BRI3BP: variants seen among roughly 807,000 people sequenced by gnomAD.
The protein encoded by BRI3BP is BRI3-binding protein.
A neutral mutation model predicts 15.8 loss-of-function variants in BRI3BP; 7 were observed. The ratio of observed to expected loss-of-function variants is 0.44; its 90% CI spans 0.25 to 0.83. BRI3BP has a LOEUF of 0.83. BRI3BP is among the 40% of genes least tolerant of loss of function. BRI3BP has a pLI of 0.20. For synonymous variants in BRI3BP, 192 were observed against 163.5 expected, an observed-to-expected ratio of 1.17 and a Z score of -1.33; for missense variants, 320 against 339.3, an observed-to-expected ratio of 0.94 and a Z score of 0.45.
At chr12:124,994,228 G>A (rs1448981435) in intron 1 of BRI3BP, among the ~76,000 whole-genome samples, 1 of 151,952 alleles carries the variant, frequency 6.6e-6, no homozygotes, top group Non-Finnish European at 1.5e-5. Flanking sequence ...CCTCTGCGCC[G>A]CGCTTCTCCT....
intron 1 of BRI3BP, among the ~76,000 whole-genome samples, chr12:125,000,264 C>T (rs1955077532): frequency 1.3e-5 from 2 of 149,668 alleles, no homozygotes; most frequent in African/African-American, 2.5e-5. Flanking sequence ...TTTTGACATA[C>T]ACACTTGTGA....
intron 1 of BRI3BP, among the ~76,000 whole-genome samples, chr12:124,999,023 A>G (rs181137938): frequency 2.0e-5 from 3 of 152,266 alleles, no homozygotes; most frequent in African/African-American, 7.2e-5. Flanking sequence ...GACTACAGTG[A>G]GCTGTGATCA....
chr12:125,022,453 G>C (rs1955306652), intron 2 of BRI3BP, among the ~76,000 whole-genome samples: 2 of 152,064 alleles, frequency 1.3e-5, no homozygotes, highest in Non-Finnish European at 2.9e-5. Flanking sequence ...GGTGAGGGTT[G>C]GGAGGAAACA....
downstream of BRI3BP, among the ~76,000 whole-genome samples, chr12:125,036,087 A>G (rs1050615617): frequency 5.7e-4 from 65 of 113,648 alleles, no homozygotes; most frequent in African/African-American, 1.5e-3. Flanking sequence ...TTTTTTTGAG[A>G]TGGAGTTTTG....
chr12:125,032,001 T>C (rs1955409438), downstream of BRI3BP, among the ~76,000 whole-genome samples: 2 of 152,094 alleles, frequency 1.3e-5, no homozygotes, highest in South Asian at 4.2e-4. Context: ...TGAAGTTATC[T>C]GGGGGCAGCC....
chr12:125,005,865 C>T (rs186820566), intron 1 of BRI3BP, among the ~76,000 whole-genome samples: 2 of 152,110 alleles, frequency 1.3e-5, no homozygotes, highest in South Asian at 2.1e-4. Flanking sequence ...CTTTGGGCTT[C>T]GCTGTAAGCT....
chr12:125,018,208 G>A (rs67885717), intron 2 of BRI3BP, among the ~76,000 whole-genome samples: 34,647 of 152,024 alleles, frequency 0.23, 4,172 homozygotes, highest in South Asian at 0.4. Flanking sequence ...GTGTAAACCC[G>A]ACCCACGCTG....
intron 2 of BRI3BP, among the ~76,000 whole-genome samples, chr12:125,023,462 C>T (rs141418930): frequency 3.3e-4 from 51 of 152,290 alleles, no homozygotes; most frequent in African/African-American, 1.2e-3. Flanking sequence ...TAGTTGTGTG[C>T]CCAGCCTGAA....
At chr12:125,018,869 G>GT (rs1235256636) in intron 2 of BRI3BP, among the ~76,000 whole-genome samples, 5 of 151,358 alleles carry the variant, frequency 3.3e-5, no homozygotes, top group Admixed American at 1.3e-4. Flanking sequence ...TTTTGTTTTT[G>GT]TTTTTTTGAG....
chr12:125,041,365 A>G, the BRI3BP span, among the ~76,000 whole-genome samples: 1 of 152,140 alleles, frequency 6.6e-6, no homozygotes, highest in African/African-American at 2.4e-5. Context: ...ATTATTTTAA[A>G]ATGAATTAAC....
chr12:125,005,118 G>A (rs1180714230), intron 1 of BRI3BP, among the ~76,000 whole-genome samples: 9 of 152,144 alleles, frequency 5.9e-5, no homozygotes, highest in African/African-American at 2.2e-4. Flanking sequence ...AAAATGCTGG[G>A]ATTACAGGTG....
chr12:125,026,965 A>G lies in BRI3BP; in HGVS notation c.*1535A>G, dbSNP rs1428687795. The G allele has an allele frequency of 6.6e-6, 1 of 151,828 alleles. No homozygotes were observed. The highest frequency in any genetic ancestry group is 1.5e-5 in the Non-Finnish European group (1 of 68,000). The allele number at this position is 151,828 out of a possible 1,614,324, so 9.4% of individuals were successfully genotyped here. A position where few individuals can be genotyped will look rare whatever the true frequency, so the allele number is the denominator to read the frequency against. ...AGACTTCATCTTAAAAAAAAAAAAAAAAGCCCAGCATTTTGCAGCTTTGAA... is the reference window on the plus strand; with the variant it reads ...AGACTTCATCTTAAAAAAAAAAAAAGAAGCCCAGCATTTTGCAGCTTTGAA... On this transcript the variant is annotated 3_prime_UTR_variant, in exon 3 of 3. Transcript: ENST00000341446.
At chr12:125,037,399 T>G in the BRI3BP span, among the ~76,000 whole-genome samples, 1 of 152,026 alleles carries the variant, frequency 6.6e-6, no homozygotes, top group Non-Finnish European at 1.5e-5. Context: ...CACCCCCAGA[T>G]AGCAGATTGG....
chr12:125,010,296 T>G (rs1955186340), intron 1 of BRI3BP, among the ~76,000 whole-genome samples: 2 of 152,294 alleles, frequency 1.3e-5, no homozygotes, highest in Admixed American at 1.3e-4. Flanking sequence ...AATATGCTCA[T>G]GGACACCCAG....
At chr12:125,041,177 C>T in the BRI3BP span, among the ~76,000 whole-genome samples, 1 of 152,120 alleles carries the variant, frequency 6.6e-6, no homozygotes, top group Non-Finnish European at 1.5e-5. Flanking sequence ...TGCCAAGTAG[C>T]TGGGACTACA....
Position 125,025,091 on chromosome 12 carries a change from G to T in BRI3BP, c.417G>T (p.Leu139Phe), listed in dbSNP as rs1245515387. The T allele has an allele frequency of 6.2e-7, 1 of 1,613,716 alleles. No homozygotes were observed. The highest frequency in any genetic ancestry group is 8.5e-7 in the Non-Finnish European group (1 of 1,180,030). ...TCGTCCTCCTGGCCTACTGGTTCTT[G>T]TCCCTGACCCTGGGCTTCACTTTCA... ...VGVVLLAYWF[L>F]SLTLGFTFSV... The change falls in exon 3 of 3, where the codon TTG (leucine) becomes TTT (phenylalanine). Residue 139 changes from leucine (L) to phenylalanine (F), a missense_variant. By Grantham distance (22) the Leu-to-Phe change is conservative (BLOSUM62 0). Coordinates refer to ENST00000341446, the MANE Select transcript of BRI3BP (RefSeq NM_080626.6).
chr12:125,045,332 A>AGAAGG, the BRI3BP span, among the ~76,000 whole-genome samples: 11 of 152,128 alleles, frequency 7.2e-5, no homozygotes, highest in Non-Finnish European at 1.5e-5. Flanking sequence ...GTCAATGCTA[A>AGAAGG]GATGATGTTT....
chr12:125,046,331 A>T, the BRI3BP span, among the ~76,000 whole-genome samples: 1 of 152,138 alleles, frequency 6.6e-6, no homozygotes, highest in Non-Finnish European at 1.5e-5. Flanking sequence ...AGGTGGGTGG[A>T]TCACTTGAGG....
intron 1 of BRI3BP, among the ~76,000 whole-genome samples, chr12:125,008,368 A>T (rs1405306164): frequency 1.5e-5 from 2 of 133,870 alleles, no homozygotes; most frequent in Non-Finnish European, 3.1e-5. Flanking sequence ...GCTGGAGTGC[A>T]GTGGCGCGAT....
Sources: gnomAD v4.1 joint callset for allele counts (sites outside exome capture counted in the v4.1 genomes callset) on GRCh38, gnomAD v4.1.1 for gene constraint, MANE v1.5 for transcripts, NCBI Gene and HGNC (gene_info 2026-07-23, HGNC 2026-07-21) for gene names.